Variants in HIVEP2 observed in about 807,000 individuals in gnomAD.
HIVEP2 encodes HIVEP zinc finger 2.
Under a neutral mutation model 180.7 loss-of-function variants are expected in HIVEP2, and 14 were observed. The observed-to-expected ratio is 0.08, with a 90% CI of 0.05 to 0.12. The LOEUF is 0.12. Among genes scored for constraint, HIVEP2 ranks in the 10% least tolerant of loss-of-function variants. The pLI is 1.00. For missense variants in HIVEP2, 2,579 were observed against 3,008.5 expected, an observed-to-expected ratio of 0.86 and a Z score of 3.34; for synonymous variants, 1,184 against 1,136.4, an observed-to-expected ratio of 1.04 and a Z score of -0.84.
intron 1 of HIVEP2, among the ~76,000 whole-genome samples, chr6:142,922,554 G>A (rs1468527433): frequency 1.3e-5 from 2 of 152,124 alleles, no homozygotes; most frequent in Non-Finnish European, 2.9e-5. Flanking sequence ...GTACACTTAA[G>A]CCTCATAAGG....
intron 1 of HIVEP2, among the ~76,000 whole-genome samples, chr6:142,882,075 G>A (rs1034445123): frequency 6.6e-6 from 1 of 152,168 alleles, no homozygotes; most frequent in African/African-American, 2.4e-5. Flanking sequence ...TACGAGGTCA[G>A]AGCCTTTCAG....
At position 142,773,117 on chromosome 6, in the gene HIVEP2, A is replaced by C; in HGVS notation, c.1622T>G (p.Ile541Ser). 3 of 1,614,212 alleles carry C rather than the reference A, an allele frequency of 1.9e-6. No homozygotes were observed. The highest frequency in any genetic ancestry group is 2.5e-6 in the Non-Finnish European group (3 of 1,180,030). ...LEAPVDSSPL[I>S]RSNSVPTSSA... Reference sequence around the variant, plus strand: ...AGAAGTTGGCACTGAGTTGCTTCTAATAAGGGGTGAAGAGTCTACAGGAGC... The same window carrying C: ...AGAAGTTGGCACTGAGTTGCTTCTACTAAGGGGTGAAGAGTCTACAGGAGC... Residue 541 changes from isoleucine (I) to serine (S), a missense_variant, in exon 5 of 10, where the codon ATT (isoleucine) becomes AGT (serine). This residue lies in a region of HIVEP2 where 524 missense variants were observed against 563.6 expected (regional missense o/e 0.93). Coordinates refer to ENST00000367603, the MANE Select transcript of HIVEP2 (RefSeq NM_006734.4).
chr6:142,908,164 C>T (rs1777314024), intron 1 of HIVEP2, among the ~76,000 whole-genome samples: 1 of 152,212 alleles, frequency 6.6e-6, no homozygotes, highest in East Asian at 1.9e-4. Flanking sequence ...CTGACTTTCA[C>T]TCATGCCACC....
At chr6:142,893,209 C>T (rs1244973533) in intron 1 of HIVEP2, among the ~76,000 whole-genome samples, 1 of 152,170 alleles carries the variant, frequency 6.6e-6, no homozygotes, top group East Asian at 1.9e-4. Flanking sequence ...GGTGGATACA[C>T]TCCCTGAGCC....
In HIVEP2 at chr6:142,774,849, C is replaced by G; in HGVS notation, c.-111G>C. On this transcript the variant is annotated 5_prime_UTR_variant, in exon 5 of 10. Coordinates refer to ENST00000367603, the MANE Select transcript of HIVEP2 (RefSeq NM_006734.4). The surrounding 1 kb of genome is among the most constrained non-coding windows in gnomAD (Gnocchi z 5.1). ...TGGTTGCTTCCATGTTCCAGGGTGT[C>G]TGCAAACTTGCTGATTGCTCCTTCT... 1 of 1,516,766 alleles carries G rather than the reference C, an allele frequency of 6.6e-7. No homozygotes were observed. Among genetic ancestry groups the G allele is most frequent in the South Asian group, 1.3e-5 (1 of 74,084 alleles). 94.0% of individuals were successfully genotyped at this position (1,516,766 alleles called of 1,614,324 possible). A position where few individuals can be genotyped will look rare whatever the true frequency, so the allele number is the denominator to read the frequency against.
chr6:142,898,002 C>G (rs969620069), intron 1 of HIVEP2, among the ~76,000 whole-genome samples: 1 of 152,138 alleles, frequency 6.6e-6, no homozygotes, highest in Non-Finnish European at 1.5e-5. Context: ...GATGAGTGAA[C>G]GAGCATGGCA....
chr6:142,775,840 A>T lies in HIVEP2; in HGVS notation c.-388+307T>A, dbSNP rs552306631. On this transcript the variant is annotated intron_variant, in intron 4 of 9. Transcript: ENST00000367603. ...CAGAGCGAGACTCCATCTCAAAAAA[A>T]AACCATATATATAGTTACATATTAA... Among the ~76,000 whole-genome samples, 41 of 151,310 alleles carry T rather than the reference A, an allele frequency of 2.7e-4. No individual in the cohort carries two copies. The South Asian group carries it at 8.3e-3, about 31-fold the overall frequency.
In HIVEP2 at chr6:142,936,902, T is replaced by C. The variant is rs1582978593; in HGVS notation, c.-641+8197A>G. On this transcript the variant is annotated intron_variant, in intron 1 of 9. Coordinates refer to ENST00000367603, the MANE Select transcript of HIVEP2 (RefSeq NM_006734.4). ...TAGAACAGCCCTTTCCCAGAGCAGGTGCTTAATAAATCTCTGTTGAATTAA... is the reference window on the plus strand; with the variant it reads ...TAGAACAGCCCTTTCCCAGAGCAGGCGCTTAATAAATCTCTGTTGAATTAA... Among the ~76,000 whole-genome samples the C allele has an allele frequency of 3.3e-5, 5 of 151,942 alleles. No individual in the cohort carries two copies. The South Asian group carries it at 8.3e-4, about 25-fold the overall frequency.
chr6:142,936,826 ATT>A (rs777113177), intron 1 of HIVEP2, among the ~76,000 whole-genome samples: 11 of 142,480 alleles, frequency 7.7e-5, no homozygotes, highest in Middle Eastern at 3.7e-3. Context: ...AAGGCAAGGA[ATT>A]TTTTTTTTTT....
At chr6:142,855,179 T>C (rs964157584) in intron 1 of HIVEP2, among the ~76,000 whole-genome samples, 1 of 152,164 alleles carries the variant, frequency 6.6e-6, no homozygotes, top group Non-Finnish European at 1.5e-5. Context: ...TGGGCTACAA[T>C]AGATGAACCA....
At chr6:142,868,749 G>C (rs1341822224) in intron 1 of HIVEP2, among the ~76,000 whole-genome samples, 2 of 152,074 alleles carry the variant, frequency 1.3e-5, no homozygotes, top group African/African-American at 4.8e-5. Context: ...AGAAAATAAG[G>C]GGATAAAACA....
intron 2 of HIVEP2, among the ~76,000 whole-genome samples, chr6:142,833,266 T>A (rs973125614): frequency 4.6e-5 from 7 of 152,216 alleles, no homozygotes. Flanking sequence ...TCAAATGAGA[T>A]AATGTACATG....
intron 2 of HIVEP2, among the ~76,000 whole-genome samples, chr6:142,807,142 T>C (rs1776573749): frequency 1.3e-5 from 2 of 152,124 alleles, no homozygotes; most frequent in Admixed American, 6.5e-5. Flanking sequence ...AATGGACCAA[T>C]AGCCTGGAGC....
In HIVEP2 at chr6:142,767,975, A is replaced by G. The variant is rs549797502; in HGVS notation, c.5342+407T>C. On this transcript the variant is annotated intron_variant, in intron 6 of 9. Transcript: ENST00000367603. ...AGAAAAACAAACAAACAAATTAACT[A>G]GTTCTGAAGATTATACATGATTGTG... Among the ~76,000 whole-genome samples the G allele has an allele frequency of 4.3e-4, 65 of 152,358 alleles. No individual in the cohort carries two copies. The Middle Eastern group carries it at 0.02, about 48-fold the overall frequency.
At chr6:142,913,647 A>C (rs192765009) in intron 1 of HIVEP2, among the ~76,000 whole-genome samples, 15 of 152,354 alleles carry the variant, frequency 9.8e-5, no homozygotes, top group Non-Finnish European at 1.8e-4. Context: ...ACGTGGTGAG[A>C]GCACAACTGA....
rs751838943 is a variant in HIVEP2 at position 142,774,502 on chromosome 6, G to A, written c.237C>T (p.Val79=). Reference sequence around the variant, plus strand: ...GATGCGGTGGATATTGCTTCTCTGCGACTTGCTGCACCACTTCACTAGGGG... The same window carrying A: ...GATGCGGTGGATATTGCTTCTCTGCAACTTGCTGCACCACTTCACTAGGGG... ...LASPSEVVQQ[V]AEKQYPPHRP... is the part of the protein sequence containing the mutation. Residue 79 remains valine (V), a synonymous_variant, in exon 5 of 10, where the codon GTC becomes GTT. Coordinates refer to ENST00000367603, the MANE Select transcript of HIVEP2 (RefSeq NM_006734.4). The surrounding 1 kb of genome is among the most constrained non-coding windows in gnomAD (Gnocchi z 5.1). 54 of 1,613,996 alleles carry A rather than the reference G, an allele frequency of 3.3e-5. 1 individual carries two copies. In the South Asian group the frequency reaches 5.2e-4, roughly 15 times the overall value.
intron 7 of HIVEP2, among the ~76,000 whole-genome samples, chr6:142,763,596 C>T (rs1775306106): frequency 6.6e-6 from 1 of 152,182 alleles, no homozygotes; most frequent in Non-Finnish European, 1.5e-5. Flanking sequence ...ACTATACCTG[C>T]AGCAAACTCA....
At chr6:142,826,177 C>G (rs1266260013) in intron 2 of HIVEP2, among the ~76,000 whole-genome samples, 1 of 152,104 alleles carries the variant, frequency 6.6e-6, no homozygotes, top group Non-Finnish European at 1.5e-5. Context: ...TAAAATATAT[C>G]TTATTACATA....
At chr6:142,785,349 A>C (rs1182495958) in intron 2 of HIVEP2, among the ~76,000 whole-genome samples, 3 of 135,982 alleles carry the variant, frequency 2.2e-5, no homozygotes, top group Admixed American at 7.6e-5. Flanking sequence ...AAAAAAAAGA[A>C]GAAGAAGAAA....
Sources: allele counts gnomAD v4.1 joint callset (sites outside exome capture counted in the v4.1 genomes callset), GRCh38; gene constraint gnomAD v4.1.1; regional missense constraint gnomAD v4.1.1; non-coding constraint Gnocchi (gnomAD v3.1); transcripts MANE v1.5; gene names NCBI Gene and HGNC (gene_info 2026-07-23, HGNC 2026-07-21).